SLC2A13: variants seen among roughly 807,000 people sequenced by gnomAD.
The protein encoded by SLC2A13 is proton myo-inositol cotransporter.
A neutral mutation model predicts 64.4 loss-of-function variants in SLC2A13; 32 were observed. That is an observed-to-expected ratio of 0.50 (90% CI 0.37 to 0.67). The LOEUF is 0.67. Among genes scored for constraint, SLC2A13 ranks in the 30% least tolerant of loss-of-function variants. The pLI is 0.00. For synonymous variants in SLC2A13, 338 were observed against 327.1 expected (o/e 1.03, Z -0.36); for missense variants, 743 against 829.2 (o/e 0.90, Z 1.28).
At chr12:40,028,245 G>T in intron 3 of SLC2A13, 56 bp downstream of exon 3, 1 of 1,286,952 alleles carries the variant, frequency 7.8e-7, no homozygotes, top group Non-Finnish European at 1.1e-6. Context: ...ACAAAATAAT[G>T]ACAAATAAGA....
chr12:39,948,576 C>T (rs1047143950), intron 4 of SLC2A13, among the ~76,000 whole-genome samples: 5 of 152,092 alleles, frequency 3.3e-5, no homozygotes, highest in African/African-American at 7.2e-5. Context: ...ATTATCTTTC[C>T]GTATAATCTT....
intron 4 of SLC2A13, among the ~76,000 whole-genome samples, chr12:39,874,698 T>C (rs1157992506): frequency 6.6e-6 from 1 of 151,828 alleles, no homozygotes; most frequent in Non-Finnish European, 1.5e-5. Flanking sequence ...TGGAGGGGAC[T>C]TGAATGTAAT....
In SLC2A13 at chr12:39,759,979, T is replaced by C. The variant is rs771264706; in HGVS notation, c.*47A>G. On this transcript the variant is annotated 3_prime_UTR_variant, in exon 10 of 10. Coordinates refer to ENST00000280871, the MANE Select transcript of SLC2A13 (RefSeq NM_052885.4). ...CAGTGAAGTCACCAATTGCTGTTCTTCTCCCCCCAGTTTGTTTAAATAACT... is the reference window on the plus strand; with the variant it reads ...CAGTGAAGTCACCAATTGCTGTTCTCCTCCCCCCAGTTTGTTTAAATAACT... 2.7e-6 allele frequency: 4 copies of C among 1,473,076 alleles called. No individual in the cohort carries two copies. The Admixed American group carries it at 6.8e-5, about 25-fold the overall frequency. The allele number at this position is 1,473,076 out of a possible 1,614,324, so 91.3% of individuals were successfully genotyped here. A position where few individuals can be genotyped will look rare whatever the true frequency, so the allele number is the denominator to read the frequency against.
intron 9 of SLC2A13, 109 bp downstream of exon 9, chr12:39,764,351 T>C (rs1238471227): frequency 9.5e-7 from 1 of 1,050,474 alleles, no homozygotes; most frequent in African/African-American, 1.6e-5. Flanking sequence ...GAGATACTTA[T>C]AACAGCAAAA....
chr12:39,795,167 G>A (rs1317683088), intron 7 of SLC2A13, among the ~76,000 whole-genome samples: 4 of 151,000 alleles, frequency 2.6e-5, no homozygotes, highest in African/African-American at 7.3e-5. Flanking sequence ...TTATCCTAAC[G>A]TCTCTTATAT....
intron 1 of SLC2A13, among the ~76,000 whole-genome samples, chr12:40,052,310 A>T (rs1471040423): frequency 6.6e-6 from 1 of 152,140 alleles, no homozygotes; most frequent in African/African-American, 2.4e-5. Context: ...CTACCCAATA[A>T]GGTCTTCGCC....
intron 9 of SLC2A13, among the ~76,000 whole-genome samples, chr12:39,764,185 T>TTTACACCATAAA (rs1180731556): frequency 6.6e-6 from 1 of 152,010 alleles, no homozygotes; most frequent in Non-Finnish European, 1.5e-5. Flanking sequence ...GACTTCCACC[T>TTTACACCATAAA]GGGGAGATAG....
intron 4 of SLC2A13, among the ~76,000 whole-genome samples, chr12:39,939,704 T>C (rs924775781): frequency 2.6e-5 from 4 of 152,238 alleles, no homozygotes; most frequent in South Asian, 2.1e-4. Context: ...GATCAGCATG[T>C]GGTAAGCATT....
intron 3 of SLC2A13, among the ~76,000 whole-genome samples, chr12:40,004,665 C>T (rs1224392997): frequency 6.7e-6 from 1 of 150,120 alleles, no homozygotes; most frequent in Non-Finnish European, 1.5e-5. Flanking sequence ...GATCATGTTA[C>T]TAGCCTCTGG....
chr12:40,030,911 GA>G (rs1173993863), intron 2 of SLC2A13, among the ~76,000 whole-genome samples: 1 of 152,140 alleles, frequency 6.6e-6, no homozygotes, highest in Non-Finnish European at 1.5e-5. Context: ...CTAACGTGTG[GA>G]AAAGGAATTT....
chr12:39,759,874 T>G lies in SLC2A13; in HGVS notation c.*152A>C. On this transcript the variant is annotated 3_prime_UTR_variant, in exon 10 of 10. Transcript: ENST00000280871. ...TGGAAAAAAAAAGTCATCATGGTTG[T>G]ATCTTCCTCCTAATCAAGTATTCTA... 1 of 599,952 alleles carries G rather than the reference T, an allele frequency of 1.7e-6. No homozygotes were observed. Among genetic ancestry groups the G allele is most frequent in the South Asian group, 2.2e-5 (1 of 45,302 alleles). 37.2% of individuals were successfully genotyped at this position (599,952 alleles called of 1,614,324 possible). A position where few individuals can be genotyped will look rare whatever the true frequency, so the allele number is the denominator to read the frequency against.
At chr12:39,936,019 G>A (rs1214182480) in intron 4 of SLC2A13, among the ~76,000 whole-genome samples, 2 of 152,180 alleles carry the variant, frequency 1.3e-5, no homozygotes, top group South Asian at 2.1e-4. Context: ...GCAAAGATGG[G>A]CAAAAGCCAC....
At chr12:40,088,993 A>G (rs1938677414) in intron 1 of SLC2A13, among the ~76,000 whole-genome samples, 3 of 152,222 alleles carry the variant, frequency 2.0e-5, no homozygotes, top group Admixed American at 1.3e-4. Context: ...TAGTATTCAG[A>G]AATTTGAAAA....
At chr12:39,869,919 G>A (rs949836069) in intron 5 of SLC2A13, among the ~76,000 whole-genome samples, 1 of 152,180 alleles carries the variant, frequency 6.6e-6, no homozygotes, top group African/African-American at 2.4e-5. Flanking sequence ...CTGTAAATGT[G>A]TTAAATCCTC....
intron 7 of SLC2A13, among the ~76,000 whole-genome samples, chr12:39,809,522 ATACTTT>A (rs1007493792): frequency 2.6e-5 from 4 of 152,164 alleles, no homozygotes; most frequent in Non-Finnish European, 5.9e-5. Flanking sequence ...AATTATTATT[ATACTTT>A]AAGTTTTAGG....
At chr12:39,827,656 T>A (rs918516772) in intron 7 of SLC2A13, among the ~76,000 whole-genome samples, 2 of 152,138 alleles carry the variant, frequency 1.3e-5, no homozygotes, top group African/African-American at 4.8e-5. Flanking sequence ...AGCAGCTCAG[T>A]CTACTACATT....
intron 7 of SLC2A13, among the ~76,000 whole-genome samples, chr12:39,827,962 G>A (rs551299449): frequency 6.6e-6 from 1 of 152,138 alleles, no homozygotes; most frequent in African/African-American, 2.4e-5. Flanking sequence ...AATATCTAGA[G>A]ATAGTATATC....
intron 4 of SLC2A13, among the ~76,000 whole-genome samples, chr12:39,888,028 A>G (rs1252504698): frequency 6.6e-6 from 1 of 152,104 alleles, no homozygotes; most frequent in Non-Finnish European, 1.5e-5. Flanking sequence ...TGGAAACTCT[A>G]TTAGACTGAT....
chr12:39,895,641 C>T (rs796708075), intron 4 of SLC2A13, among the ~76,000 whole-genome samples: 48 of 77,722 alleles, frequency 6.2e-4, no homozygotes, highest in African/African-American at 1.2e-3. Context: ...TATGTATATG[C>T]GTGTATACGT....
Sources: allele counts gnomAD v4.1 joint callset (sites outside exome capture counted in the v4.1 genomes callset), GRCh38; gene constraint gnomAD v4.1.1; transcripts MANE v1.5; gene names NCBI Gene and HGNC (gene_info 2026-07-23, HGNC 2026-07-21).